Variants in SAA2 observed in about 807,000 individuals in gnomAD.
The protein encoded by SAA2 is serum amyloid A-2 protein.
In SAA2, 5 loss-of-function variants were observed where a neutral mutation model predicts 9.1. The observed-to-expected ratio is 0.55, with a 90% CI of 0.29 to 1.16. SAA2 has a LOEUF of 1.16. Among genes scored for constraint, SAA2 ranks in the 50% most tolerant of loss-of-function variants. SAA2 has a pLI of 0.09. For synonymous variants in SAA2, 49 were observed against 59.8 expected (o/e 0.82, Z 0.83); for missense variants, 94 against 153.8 (o/e 0.61, Z 2.06).
In SAA2 at chr11:18,239,909, C is replaced by T. The variant is rs75758609; in HGVS notation, c.*39G>A. ...TCATTGCCTGGATCAATGCCTGGGTCATGTAGGAGTGAAGAAAAAAGGCTT... is the reference window on the plus strand; with the variant it reads ...TCATTGCCTGGATCAATGCCTGGGTTATGTAGGAGTGAAGAAAAAAGGCTT... On this transcript the variant is annotated 3_prime_UTR_variant, in exon 4 of 4. Coordinates refer to the SAA2 transcript ENST00000414546. 3,528 of 1,544,586 alleles carry T rather than the reference C, an allele frequency of 2.3e-3. 75 individuals are homozygous for T. The African/African-American group carries it at 0.043, about 19-fold the overall frequency.
Position 18,245,926 on chromosome 11 carries a change from C to T in SAA2, c.214G>A (p.Ala72Thr), listed in dbSNP as rs146160224. The change falls in exon 3 of 4, where the codon GCT (alanine) becomes ACT (threonine). Residue 72 changes from alanine (A) to threonine (T), a missense_variant. By Grantham distance (58) the Ala-to-Thr change is moderately conservative. This residue lies in a region of SAA2 where 32 missense variants were observed against 95.5 expected (regional missense o/e 0.34). Coordinates refer to ENST00000256733, the MANE Select transcript of SAA2 (RefSeq NM_030754.5). ...AAKRGPGGAW[A>T]AEVISNAREN... ...TCCAGTTACCTGATCACTTCTGCAGCCCAGGCACCCCCAGGTCCCCTTTTG... is the reference window on the plus strand; with the variant it reads ...TCCAGTTACCTGATCACTTCTGCAGTCCAGGCACCCCCAGGTCCCCTTTTG... The T allele has an allele frequency of 2.8e-5, 45 of 1,614,060 alleles. No individual in the cohort carries two copies. The African/African-American group carries it at 5.3e-4, about 19-fold the overall frequency.
chr11:18,241,084 T>C (rs1482547806), downstream of SAA2, among the ~76,000 whole-genome samples: 1 of 152,056 alleles, frequency 6.6e-6, no homozygotes, highest in Non-Finnish European at 1.5e-5. Context: ...AAAGAAAACA[T>C]ACAAATGGCC....
downstream of SAA2, among the ~76,000 whole-genome samples, chr11:18,241,592 C>T (rs985060705): frequency 3.3e-5 from 5 of 152,108 alleles, no homozygotes; most frequent in Non-Finnish European, 7.4e-5. Context: ...AGAATGAAAT[C>T]GTATCTTTTG....
intron 2 of SAA2, among the ~76,000 whole-genome samples, chr11:18,246,359 C>T (rs941049916): frequency 3.9e-5 from 6 of 152,158 alleles, no homozygotes; most frequent in African/African-American, 1.4e-4. Context: ...TACTTCTGCC[C>T]TGACTACTAA....
Position 18,245,463 on chromosome 11 carries a change from G to A in SAA2, c.283C>T (p.Leu95=). The stretch of plus-strand genomic sequence containing the variant: ...CATTTATTGGCAGCCTGATCGGCCA[G>A]CGAGTCCTCCGCACCACGGCCTGTG... ...RLTGRGAEDS[L]ADQAANKWGR... The change falls in exon 4 of 4, where the codon CTG becomes TTG. Residue 95 remains leucine (L), a synonymous_variant. Coordinates refer to ENST00000256733, the MANE Select transcript of SAA2 (RefSeq NM_030754.5). 6.2e-7 allele frequency: 1 copy of A among 1,614,206 alleles called. No homozygotes were observed. The highest frequency in any genetic ancestry group is 1.1e-5 in the South Asian group (1 of 91,090).
chr11:18,238,508 C>T (rs1857257453), downstream of SAA2, among the ~76,000 whole-genome samples: 1 of 151,640 alleles, frequency 6.6e-6, no homozygotes, highest in African/African-American at 2.4e-5. Context: ...GTTTTTATTT[C>T]ATTCCTTTTT....
chr11:18,241,423 T>C (rs1857342621), downstream of SAA2, among the ~76,000 whole-genome samples: 1 of 152,128 alleles, frequency 6.6e-6, no homozygotes, highest in South Asian at 2.1e-4. Flanking sequence ...ATAAAAAATA[T>C]ACCTGAATGC....
intron 2 of SAA2, among the ~76,000 whole-genome samples, chr11:18,247,508 C>T (rs552993592): frequency 1.4e-5 from 2 of 141,304 alleles, no homozygotes; most frequent in South Asian, 4.7e-4. Context: ...CAATCCTCGA[C>T]TCTCTAATCT....
In SAA2 at chr11:18,245,719, G is replaced by A. The variant is rs879130986; in HGVS notation, c.230+191C>T. 1.2e-3 allele frequency among the ~76,000 whole-genome samples: 183 copies of A among 152,286 alleles called. 1 individual carries two copies. The highest frequency in any genetic ancestry group is 7.5e-3 in the Admixed American group (114 of 15,292). On this transcript the variant is annotated intron_variant, in intron 3 of 3. Coordinates refer to ENST00000256733, the MANE Select transcript of SAA2 (RefSeq NM_030754.5). The stretch of plus-strand genomic sequence containing the variant: ...TAGGCTGGATGAACAGCACCCAGAG[G>A]GGGAGGGGGAGGAATCACTCACTCC...
intron 2 of SAA2, among the ~76,000 whole-genome samples, chr11:18,246,424 T>TAAAAA (rs1857539681): frequency 4.6e-5 from 7 of 152,268 alleles, no homozygotes; most frequent in Non-Finnish European, 8.8e-5. Context: ...TTCCAGTGAC[T>TAAAAA]GTTAGGAGCA....
chr11:18,241,070 TTC>T (rs1318129602), downstream of SAA2, among the ~76,000 whole-genome samples: 3 of 152,118 alleles, frequency 2.0e-5, no homozygotes, highest in African/African-American at 7.2e-5. Context: ...ACAGGTATTT[TTC>T]AAAAGAAAAC....
intron 3 of SAA2, chr11:18,240,030 GA>G: frequency 6.5e-7 from 1 of 1,543,286 alleles, no homozygotes; most frequent in Non-Finnish European, 8.8e-7. Flanking sequence ...ATGCAAGGGG[GA>G]AAATCACAGG....
Position 18,245,414 on chromosome 11 carries a change from T to A in SAA2, c.332A>T (p.Asn111Ile), listed in dbSNP as rs138002965. The A allele has an allele frequency of 5.6e-6, 9 of 1,614,068 alleles. No individual in the cohort carries two copies. The highest frequency in any genetic ancestry group is 6.8e-6 in the Non-Finnish European group (8 of 1,180,042). Reference protein sequence around the residue: ...NKWGRSGRDPNHFRPAGLPEK... With the variant: ...NKWGRSGRDPIHFRPAGLPEK... ...AGGCAGGCCAGCAGGTCGGAAGTGA[T>A]TGGGGTCTCTGCCACTCCTGCCCCA... Residue 111 changes from asparagine to isoleucine, a missense_variant, in exon 4 of 4, where the codon AAT becomes ATT. By Grantham distance (149) the Asn-to-Ile change is moderately radical (BLOSUM62 -3). Around this residue, in one of 2 missense-constraint regions of SAA2, gnomAD observed 62 missense variants for 58.3 expected, o/e 1.06. Transcript: ENST00000256733.
intron 3 of SAA2, chr11:18,240,113 G>C: frequency 8.5e-7 from 1 of 1,176,254 alleles, no homozygotes; most frequent in Non-Finnish European, 1.2e-6. Context: ...GGAGAAGATG[G>C]GGAATGTACA....
downstream of SAA2, among the ~76,000 whole-genome samples, chr11:18,238,581 A>T (rs907541868): frequency 6.6e-6 from 1 of 152,194 alleles, no homozygotes; most frequent in Admixed American, 6.5e-5. Context: ...ATATTTTGGT[A>T]CAGCCATGCA....
chr11:18,239,759 C>T (rs1857289142), exon 4 of SAA2: 1 of 575,950 alleles, frequency 1.7e-6, no homozygotes, highest in Non-Finnish European at 2.9e-6. Flanking sequence ...AGAATGGAGA[C>T]ACCACACTGA....
At chr11:18,245,802 A>T in intron 3 of SAA2, 108 bp downstream of exon 3, 1 of 1,394,872 alleles carries the variant, frequency 7.2e-7, no homozygotes, top group Non-Finnish European at 9.7e-7. Context: ...CAAGAAGAGG[A>T]GGGACCACAG....
downstream of SAA2, among the ~76,000 whole-genome samples, chr11:18,244,289 G>T (rs1171852534): frequency 2.0e-5 from 3 of 152,180 alleles, no homozygotes; most frequent in Admixed American, 6.5e-5. Context: ...CTTCCCAGGG[G>T]TTTTGATAAC....
At position 18,247,906 on chromosome 11, in the gene SAA2, C is replaced by T. The variant is rs747073018; in HGVS notation, c.91+15G>A. 1.2e-6 allele frequency: 2 copies of T among 1,613,760 alleles called. No individual in the cohort carries two copies. Among genetic ancestry groups the T allele is most frequent in the African/African-American group, 1.3e-5 (1 of 74,890 alleles). ...GTTTCTCTTCAGAAATCCTGCAAAC[C>T]TTCTGAAGCCTTACCATCAAAAGCC... is the stretch of plus-strand genomic sequence containing the variant. On this transcript the variant is annotated intron_variant, in intron 2 of 3. Transcript: ENST00000256733.
Sources: gnomAD v4.1 joint callset for allele counts (sites outside exome capture counted in the v4.1 genomes callset) on GRCh38, gnomAD v4.1.1 for gene constraint, gnomAD v4.1.1 regional missense constraint, MANE v1.5 for transcripts, NCBI Gene and HGNC (gene_info 2026-07-23, HGNC 2026-07-21) for gene names.